Variants in SHISA9 observed in about 807,000 individuals in gnomAD.
SHISA9 encodes protein shisa-9.
A neutral mutation model predicts 38.0 loss-of-function variants in SHISA9; 13 were observed. The observed-to-expected ratio is 0.34, with a 90% CI of 0.22 to 0.54. The LOEUF (loss-of-function observed/expected upper bound fraction) is 0.54. Ranked by LOEUF, SHISA9 falls within the 20% of genes least tolerant of loss-of-function variation. The pLI, the probability that SHISA9 is intolerant of heterozygous loss-of-function variation, is 0.91. For missense variants in SHISA9, 538 were observed against 575.8 expected (o/e 0.93, Z 0.67); for synonymous variants, 275 against 242.0 (o/e 1.14, Z -1.27).
intron 1 of SHISA9, 93 bp downstream of exon 1, chr16:12,902,720 C>A (rs2141701005): frequency 1.6e-6 from 2 of 1,255,674 alleles, no homozygotes; most frequent in South Asian, 1.6e-5. Context: ...TCCCCACGGT[C>A]CCCGCTCCCC....
the SHISA9 span, among the ~76,000 whole-genome samples, chr16:13,356,895 C>CT: frequency 6.6e-6 from 1 of 152,276 alleles, no homozygotes; most frequent in East Asian, 1.9e-4. Context: ...CTATTTGGAA[C>CT]TACCGTCGAG....
the SHISA9 span, among the ~76,000 whole-genome samples, chr16:13,336,842 C>T: frequency 2.0e-5 from 3 of 152,184 alleles, no homozygotes; most frequent in Non-Finnish European, 4.4e-5. Flanking sequence ...AAGTAACAAC[C>T]TTTCTGTGGA....
intron 4 of SHISA9, among the ~76,000 whole-genome samples, chr16:13,234,687 T>C (rs2051363498): frequency 6.6e-6 from 1 of 152,212 alleles, no homozygotes; most frequent in South Asian, 2.1e-4. Context: ...AAATGTATCA[T>C]TTTAATAAAA....
the SHISA9 span, among the ~76,000 whole-genome samples, chr16:13,401,627 C>A: frequency 6.6e-6 from 1 of 150,902 alleles, no homozygotes; most frequent in African/African-American, 2.4e-5. Flanking sequence ...CTTTCTATTC[C>A]CCCCGTATGA....
chr16:13,032,079 C>T (rs557126765), intron 2 of SHISA9, among the ~76,000 whole-genome samples: 4 of 151,824 alleles, frequency 2.6e-5, no homozygotes, highest in Admixed American at 6.6e-5. Flanking sequence ...CATAGGTATA[C>T]GTGTGCCATG....
At chr16:13,357,967 T>G in the SHISA9 span, among the ~76,000 whole-genome samples, 1 of 152,142 alleles carries the variant, frequency 6.6e-6, no homozygotes, top group African/African-American at 2.4e-5. Flanking sequence ...TCACTTCTTT[T>G]GTGATTCTTT....
At chr16:13,252,430 C>G in the SHISA9 span, among the ~76,000 whole-genome samples, 3 of 152,196 alleles carry the variant, frequency 2.0e-5, no homozygotes, top group African/African-American at 4.8e-5. Context: ...CACAGGACAG[C>G]TCTCCTGCTT....
intron 2 of SHISA9, among the ~76,000 whole-genome samples, chr16:12,944,689 G>A (rs994293976): frequency 6.6e-6 from 1 of 152,080 alleles, no homozygotes; most frequent in African/African-American, 2.4e-5. Context: ...AAGCAGCTGT[G>A]GAACTTAAAT....
At chr16:13,051,362 T>A (rs2073248991) in intron 2 of SHISA9, among the ~76,000 whole-genome samples, 1 of 152,226 alleles carries the variant, frequency 6.6e-6, no homozygotes, top group South Asian at 2.1e-4. Flanking sequence ...ACCACCCCGA[T>A]GATGCAATTG....
At chr16:13,139,323 A>C (rs1465974251) in intron 2 of SHISA9, among the ~76,000 whole-genome samples, 62 of 83,524 alleles carry the variant, frequency 7.4e-4, no homozygotes, top group Non-Finnish European at 9.4e-4. Flanking sequence ...CCCTCCTCTC[A>C]CTTGCTTTTC....
At chr16:13,367,706 GCGCGCGCACACACACACACA>G in the SHISA9 span, among the ~76,000 whole-genome samples, 15 of 115,612 alleles carry the variant, frequency 1.3e-4, no homozygotes, top group South Asian at 3.1e-4. Context: ...GTGCGCGCGC[GCGCGCGCACACACACACACA>G]CACACACACA....
chr16:12,948,473 G>A (rs1476873334), intron 2 of SHISA9, among the ~76,000 whole-genome samples: 2 of 152,198 alleles, frequency 1.3e-5, no homozygotes, highest in East Asian at 3.8e-4. Context: ...TGTTTGAGCT[G>A]CTATAACAAA....
At chr16:13,496,228 C>G in the SHISA9 span, among the ~76,000 whole-genome samples, 1 of 152,074 alleles carries the variant, frequency 6.6e-6, no homozygotes, top group Non-Finnish European at 1.5e-5. Context: ...TCAAACTAGT[C>G]TCATTTTTTT....
chr16:13,031,450 G>A (rs1384889926), intron 2 of SHISA9, among the ~76,000 whole-genome samples: 1 of 152,160 alleles, frequency 6.6e-6, no homozygotes, highest in African/African-American at 2.4e-5. Context: ...TATGATACAG[G>A]CACCAACCAG....
At chr16:12,950,754 T>C (rs2071743658) in intron 2 of SHISA9, among the ~76,000 whole-genome samples, 1 of 151,484 alleles carries the variant, frequency 6.6e-6, no homozygotes, top group South Asian at 2.1e-4. Flanking sequence ...GATTATTAGC[T>C]ACCACGGCTG....
At chr16:12,968,189 CAAAAAAAAAAAAAAAAAAAA>C (rs200194973) in intron 2 of SHISA9, among the ~76,000 whole-genome samples, 8 of 82,050 alleles carry the variant, frequency 9.8e-5, no homozygotes, top group South Asian at 4.2e-4. Context: ...GGCTCCATCT[CAAAAAAAAAAAAAAAAAAAA>C]AAAAAAAAAA....
chr16:13,121,610 A>G (rs184390477), intron 2 of SHISA9, among the ~76,000 whole-genome samples: 1 of 152,302 alleles, frequency 6.6e-6, no homozygotes, highest in East Asian at 1.9e-4. Flanking sequence ...AAGCAGTCTA[A>G]TATACAAATA....
chr16:13,108,177 G>A (rs1361812230), intron 2 of SHISA9, among the ~76,000 whole-genome samples: 2 of 151,056 alleles, frequency 1.3e-5, no homozygotes, highest in Non-Finnish European at 2.9e-5. Flanking sequence ...CACCCAAGCT[G>A]GAGTGCAGTG....
Position 13,040,996 on chromosome 16 carries a change from C to T in SHISA9, c.691+124181C>T, listed in dbSNP as rs118157609. On this transcript the variant is annotated intron_variant, in intron 2 of 4. Transcript: ENST00000558583. Reference sequence around the variant, plus strand: ...CGTGTGCTTCTGCTTCAGAGGGTTCCTGCAGTAGACACAAAGCCCTTCATC... The same window carrying T: ...CGTGTGCTTCTGCTTCAGAGGGTTCTTGCAGTAGACACAAAGCCCTTCATC... Among the ~76,000 whole-genome samples the T allele has an allele frequency of 4.8e-3, 725 of 152,276 alleles. 10 individuals carry two copies. Among genetic ancestry groups the T allele is most frequent in the South Asian group, 0.033 (160 of 4,818 alleles).
Sources: gnomAD v4.1 joint callset for allele counts (sites outside exome capture counted in the v4.1 genomes callset) on GRCh38, gnomAD v4.1.1 for gene constraint, MANE v1.5 for transcripts, NCBI Gene and HGNC (gene_info 2026-07-23, HGNC 2026-07-21) for gene names.